Variants in TRPM1 observed in about 807,000 individuals in gnomAD.
TRPM1 encodes the protein transient receptor potential cation channel subfamily M member 1.
In TRPM1, 113 loss-of-function variants were observed where a neutral mutation model predicts 149.4. The ratio of observed to expected loss-of-function variants is 0.76; its 90% confidence interval spans 0.65 to 0.88. TRPM1 has a LOEUF of 0.88. Ranked by LOEUF, TRPM1 falls within the 40% of genes least tolerant of loss-of-function variation. The pLI, the probability that TRPM1 is intolerant of heterozygous loss-of-function variation, is 0.00. For synonymous variants in TRPM1, 741 were observed against 759.5 expected (o/e 0.98, Z 0.40); for missense variants, 1,976 against 2,038.7 (o/e 0.97, Z 0.59).
chr15:31,043,439 G>T (rs558842779), intron 16 of TRPM1, among the ~76,000 whole-genome samples: 1 of 151,840 alleles, frequency 6.6e-6, no homozygotes, highest in East Asian at 1.9e-4. Context: ...TGGTCCTCCC[G>T]CCTCGGCCTC....
intron 1 of TRPM1, among the ~76,000 whole-genome samples, chr15:31,116,479 G>A (rs1042696508): frequency 6.6e-6 from 1 of 152,010 alleles, no homozygotes; most frequent in Non-Finnish European, 1.5e-5. Flanking sequence ...GTGGTGGCAT[G>A]AGCCTGTGAT....
At chr15:31,082,920 G>A (rs2034900610) in intron 1 of TRPM1, among the ~76,000 whole-genome samples, 1 of 152,088 alleles carries the variant, frequency 6.6e-6, no homozygotes. Context: ...TGGAATGAAG[G>A]GTCATGGGGG....
intron 7 of TRPM1, chr15:31,065,233 C>A: frequency 2.2e-6 from 1 of 456,900 alleles, no homozygotes. Flanking sequence ...TCTTCGAGAT[C>A]TGATTCTCGG....
intron 7 of TRPM1, among the ~76,000 whole-genome samples, chr15:31,063,795 G>A (rs1029279589): frequency 2.0e-5 from 3 of 152,110 alleles, no homozygotes; most frequent in African/African-American, 7.2e-5. Context: ...TGGCCTCATT[G>A]GGAAAACCAG....
chr15:31,051,197 G>A (rs2033940667), intron 11 of TRPM1, among the ~76,000 whole-genome samples: 1 of 152,214 alleles, frequency 6.6e-6, no homozygotes, highest in South Asian at 2.1e-4. Context: ...GACAGCAGAA[G>A]TAGGCCTGGC....
chr15:31,035,855 C>A (rs569519062), intron 20 of TRPM1, 181 bp from the exon 21 acceptor site: 1 of 816,994 alleles, frequency 1.2e-6, no homozygotes, highest in Non-Finnish European at 2.0e-6. Flanking sequence ...GGAGGCAGGA[C>A]GGGAGGCATT....
At position 31,002,800 on chromosome 15, in the gene TRPM1, G is replaced by A. The variant is rs374471543; in HGVS notation, c.3900C>T (p.Asn1300=). The change falls in exon 28 of 28, where the codon AAC becomes AAT. Residue 1300 remains asparagine, a synonymous_variant. Coordinates refer to ENST00000256552, the MANE Select transcript of TRPM1 (RefSeq NM_001252024.2). ...DGYSLYRYHF[N]GEELLFEDTS... is the part of the protein sequence containing the mutation. ...TATCCTCAAATAATAACTCTTCTCC[G>A]TTAAAATGATATCGATACAAGCTGT... 8.7e-5 allele frequency: 140 copies of A among 1,614,038 alleles called. No individual in the cohort carries two copies. The highest frequency in any genetic ancestry group is 3.2e-4 in the Admixed American group (19 of 59,990).
intron 1 of TRPM1, among the ~76,000 whole-genome samples, chr15:31,087,725 G>GGACT (rs2035042368): frequency 6.6e-6 from 1 of 152,180 alleles, no homozygotes. Flanking sequence ...CAACAGGGAT[G>GGACT]GACTTTGAGG....
chr15:31,104,109 C>G (rs909171951), upstream of TRPM1, among the ~76,000 whole-genome samples: 1 of 152,138 alleles, frequency 6.6e-6, no homozygotes, highest in Non-Finnish European at 1.5e-5. Context: ...CACAAGAACA[C>G]CACCGTGAAG....
At chr15:31,120,498 A>G (rs990962736) in intron 1 of TRPM1, among the ~76,000 whole-genome samples, 2 of 152,224 alleles carry the variant, frequency 1.3e-5, no homozygotes, top group African/African-American at 4.8e-5. Context: ...GATCCAACAC[A>G]GGGAAAATTA....
intron 1 of TRPM1, among the ~76,000 whole-genome samples, chr15:31,088,452 G>C (rs559247640): frequency 6.6e-6 from 1 of 152,120 alleles, no homozygotes; most frequent in Admixed American, 6.5e-5. Flanking sequence ...CTGACTGTAC[G>C]GTATGTGGCT....
At chr15:31,156,930 ATTTT>A (rs11398253) in intron 1 of TRPM1, among the ~76,000 whole-genome samples, 1 of 147,538 alleles carries the variant, frequency 6.8e-6, no homozygotes, top group African/African-American at 2.5e-5. Flanking sequence ...ACTTACATTT[ATTTT>A]TTTTTTTTTG....
chr15:31,047,465 A>C (rs956162636), intron 14 of TRPM1, among the ~76,000 whole-genome samples: 8 of 152,246 alleles, frequency 5.3e-5, no homozygotes, highest in African/African-American at 1.9e-4. Context: ...GCTGCAATCA[A>C]CAGGACACAG....
rs985307231 is a variant in TRPM1 at position 31,156,636 on chromosome 15, G to A, written c.54+4270C>T. On this transcript the variant is annotated intron_variant, in intron 1 of 26. Coordinates refer to the TRPM1 transcript ENST00000542188. Reference sequence around the variant, plus strand: ...CACAATATGTCCCCATTTCCAGGCCGAACCAGTGTATACCTCACATGTATT... The same window carrying A: ...CACAATATGTCCCCATTTCCAGGCCAAACCAGTGTATACCTCACATGTATT... Among the ~76,000 whole-genome samples the A allele has an allele frequency of 5.3e-5, 8 of 152,148 alleles. No homozygotes were observed. The South Asian group carries it at 1.0e-3, about 20-fold the overall frequency.
Position 31,159,218 on chromosome 15 carries a change from T to C in TRPM1, c.54+1688A>G, listed in dbSNP as rs565992707. ...GTCTGGACCAAAATCGAAGTGATTC[T>C]CCCCTCCTCCCCTTTTGCTGAATTC... On this transcript the variant is annotated intron_variant, in intron 1 of 26. Transcript: ENST00000542188. Among the ~76,000 whole-genome samples the C allele has an allele frequency of 7.9e-5, 12 of 152,282 alleles. 1 individual carries two copies. In the South Asian group the frequency reaches 2.5e-3, roughly 32 times the overall value.
intron 3 of TRPM1, among the ~76,000 whole-genome samples, chr15:31,071,978 A>AC (rs1226102723): frequency 1.1e-4 from 7 of 62,390 alleles, no homozygotes; most frequent in African/African-American, 2.6e-4. Flanking sequence ...AAAAAAAAAA[A>AC]ACATATATAT....
At chr15:31,136,581 A>G (rs2036090677) in intron 1 of TRPM1, among the ~76,000 whole-genome samples, 1 of 152,164 alleles carries the variant, frequency 6.6e-6, no homozygotes, top group Non-Finnish European at 1.5e-5. Flanking sequence ...AATTCACCAA[A>G]TGGGCCACCT....
At chr15:31,021,746 C>A (rs1429980082) in intron 27 of TRPM1, among the ~76,000 whole-genome samples, 1 of 149,478 alleles carries the variant, frequency 6.7e-6, no homozygotes, top group Non-Finnish European at 1.5e-5. Context: ...TCCATATCCA[C>A]AAATCTGACA....
intron 1 of TRPM1, among the ~76,000 whole-genome samples, chr15:31,130,666 A>G (rs1483340973): frequency 6.6e-6 from 1 of 152,118 alleles, no homozygotes; most frequent in East Asian, 1.9e-4. Context: ...GCACCAGCTG[A>G]TGCCACCCAG....
Sources: allele counts gnomAD v4.1 joint callset (sites outside exome capture counted in the v4.1 genomes callset), GRCh38; gene constraint gnomAD v4.1.1; transcripts MANE v1.5; gene names NCBI Gene and HGNC (gene_info 2026-07-23, HGNC 2026-07-21).